Variants in PXDN observed in about 807,000 individuals in gnomAD.
PXDN encodes peroxidasin, also known as peroxidasin homolog.
In PXDN, 77 loss-of-function variants were observed where a neutral mutation model predicts 140.3. That is an observed-to-expected ratio of 0.55 (90% CI 0.46 to 0.66). PXDN has a LOEUF of 0.66. Among genes scored for constraint, PXDN ranks in the 30% least tolerant of loss-of-function variants. PXDN has a pLI of 0.00. For missense variants in PXDN, 1,838 were observed against 2,039.5 expected, an observed-to-expected ratio of 0.90 and a Z score of 1.90; for synonymous variants, 911 against 857.4, an observed-to-expected ratio of 1.06 and a Z score of -1.09.
intron 9 of PXDN, among the ~76,000 whole-genome samples, chr2:1,672,841 T>C (rs1278654945): frequency 6.6e-6 from 1 of 152,180 alleles, no homozygotes; most frequent in Non-Finnish European, 1.5e-5. Context: ...AACCCTGGCA[T>C]GATTTGTGGC....
At chr2:1,661,690 C>G (rs191846435) in intron 13 of PXDN, among the ~76,000 whole-genome samples, 42 of 152,292 alleles carry the variant, frequency 2.8e-4, no homozygotes, top group Admixed American at 2.3e-3. Flanking sequence ...TTAATAAAAA[C>G]AGCAAAGAAA....
At chr2:1,710,061 C>T (rs1356883546) in intron 1 of PXDN, among the ~76,000 whole-genome samples, 5 of 152,172 alleles carry the variant, frequency 3.3e-5, no homozygotes, top group South Asian at 2.1e-4. Context: ...CACGCAGCTG[C>T]GGAGAGGAGA....
intron 1 of PXDN, among the ~76,000 whole-genome samples, chr2:1,743,700 A>G (rs930971111): frequency 2.7e-3 from 39 of 14,660 alleles, no homozygotes; most frequent in East Asian, 3.8e-3. Context: ...AGGAGGAGGA[A>G]GGGGAGGAGG....
At chr2:1,710,904 T>G (rs1558520869) in intron 1 of PXDN, among the ~76,000 whole-genome samples, 2 of 104,274 alleles carry the variant, frequency 1.9e-5, no homozygotes, top group Non-Finnish European at 1.9e-5. Context: ...CAGCACCCAC[T>G]CTCCACCAGC....
At chr2:1,737,574 C>G (rs563195750) in intron 1 of PXDN, among the ~76,000 whole-genome samples, 183 of 150,892 alleles carry the variant, frequency 1.2e-3, no homozygotes, top group Non-Finnish European at 2.1e-3. Flanking sequence ...GAGTCTTGCT[C>G]TGTCCCCCAA....
rs150424199 is a variant in PXDN at position 1,680,785 on chromosome 2, C to T, written c.561-423G>A. Among the ~76,000 whole-genome samples, 728 of 152,312 alleles carry T rather than the reference C, an allele frequency of 4.8e-3. 17 individuals are homozygous for T. The highest frequency in any genetic ancestry group is 3.6e-3 in the Non-Finnish European group (245 of 68,022). ...CCACAAAACCACCACTGTCACTCAA[C>T]GCCCATCATCACGGGCAGGACAGTT... On this transcript the variant is annotated intron_variant, in intron 6 of 22. Transcript: ENST00000252804.
chr2:1,657,670 A>G (rs1192453386), intron 14 of PXDN, among the ~76,000 whole-genome samples: 4 of 150,372 alleles, frequency 2.7e-5, no homozygotes, highest in African/African-American at 9.8e-5. Context: ...CCCACTCCTG[A>G]CAGGGACCAG....
chr2:1,651,593 G>A lies in PXDN; in HGVS notation c.2105-1918C>T, dbSNP rs1429775615. Among the ~76,000 whole-genome samples the A allele has an allele frequency of 1.3e-5, 2 of 152,084 alleles. No homozygotes were observed. The highest frequency in any genetic ancestry group is 4.8e-5 in the African/African-American group (2 of 41,412). ...TCAGCCCTTCCTCACCCCCTTTCCA[G>A]CCACAGTGACCACCTGCTGTTCCAC... On this transcript the variant is annotated intron_variant, in intron 16 of 22. Transcript: ENST00000252804. The surrounding 1 kb of genome is among the most constrained non-coding windows in gnomAD (Gnocchi z 4.4).
At chr2:1,652,178 G>A (rs548339462) in intron 16 of PXDN, among the ~76,000 whole-genome samples, 128 of 152,268 alleles carry the variant, frequency 8.4e-4, no homozygotes, top group African/African-American at 2.9e-3. Flanking sequence ...TGCCTTTGAG[G>A]AGACATTTCC....
In PXDN at chr2:1,706,419, C is replaced by A. The variant is rs114413486; in HGVS notation, c.201-13285G>T. 8.0e-3 allele frequency among the ~76,000 whole-genome samples: 1,216 copies of A among 152,166 alleles called. 22 individuals carry two copies. Among genetic ancestry groups the A allele is most frequent in the African/African-American group, 0.028 (1,159 of 41,370 alleles). On this transcript the variant is annotated intron_variant, in intron 1 of 22. Transcript: ENST00000252804. ...CCTGCTGGCATTGCCAGAAGCCAGT[C>A]ACCTGCCCCACTAATAATACAACCT...
intron 1 of PXDN, among the ~76,000 whole-genome samples, chr2:1,729,706 T>C (rs566030098): frequency 6.6e-6 from 1 of 152,186 alleles, no homozygotes; most frequent in Non-Finnish European, 1.5e-5. Flanking sequence ...AAAAATCTAC[T>C]GAAATTTTTT....
At position 1,643,487 on chromosome 2, in the gene PXDN, G is replaced by T; in HGVS notation, c.3833C>A (p.Ala1278Glu). ...GCTCTGCACCCGGGTGATGTTGTCC[G>T]CGTTGTCGCATAGGATCCTGGCCAG... is the stretch of plus-strand genomic sequence containing the variant. ...TSLARILCDN[A>E]DNITRVQSDV... Residue 1278 changes from alanine (A) to glutamate (E), a missense_variant, in exon 19 of 23, where the codon GCG (alanine) becomes GAG (glutamate). By Grantham distance (107) the Ala-to-Glu change is moderately radical. Coordinates refer to ENST00000252804, the MANE Select transcript of PXDN (RefSeq NM_012293.3). 1 of 1,613,930 alleles carries T rather than the reference G, an allele frequency of 6.2e-7. No homozygotes were observed. The highest frequency in any genetic ancestry group is 8.5e-7 in the Non-Finnish European group (1 of 1,179,892).
In PXDN at chr2:1,651,453, C is replaced by G. The variant is rs1683011955; in HGVS notation, c.2105-1778G>C. 6.6e-6 allele frequency among the ~76,000 whole-genome samples: 1 copy of G among 152,176 alleles called. No homozygotes were observed. Among genetic ancestry groups the G allele is most frequent in the Non-Finnish European group, 1.5e-5 (1 of 68,038 alleles). On this transcript the variant is annotated intron_variant, in intron 16 of 22. Coordinates refer to ENST00000252804, the MANE Select transcript of PXDN (RefSeq NM_012293.3). This position sits in a 1 kb window ranked among gnomAD's most constrained non-coding sequence, Gnocchi z 4.4. The stretch of plus-strand genomic sequence containing the variant: ...GCCCGATGCTTGAAAATGCATCAAA[C>G]CATGTTGCTTCTCTGCAGGAAACCC...
At chr2:1,640,304 G>A (rs1682694872) in intron 19 of PXDN, among the ~76,000 whole-genome samples, 1 of 152,270 alleles carries the variant, frequency 6.6e-6, no homozygotes, top group Non-Finnish European at 1.5e-5. Flanking sequence ...GCACGAAAGT[G>A]AAGGGCAAAT....
At chr2:1,731,179 C>CAAAA (rs60396503) in intron 1 of PXDN, among the ~76,000 whole-genome samples, 1 of 148,996 alleles carries the variant, frequency 6.7e-6, no homozygotes, top group African/African-American at 2.5e-5. Context: ...CACACACACA[C>CAAAA]ATGAACTAGT....
In PXDN at chr2:1,658,083, T is replaced by TCTCTCTCTCTCTCTCTCCCC. The variant is rs1553359698; in HGVS notation, c.1837+2797_1837+2798insGGGGAGAGAGAGAGAGAGAG. 2.7e-4 allele frequency among the ~76,000 whole-genome samples: 21 copies of TCTCTCTCTCTCTCTCTCCCC among 77,752 alleles called. 4 individuals are homozygous for TCTCTCTCTCTCTCTCTCCCC. The highest frequency in any genetic ancestry group is 1.0e-3 in the African/African-American group (18 of 17,576). The allele number at this position is 77,752 out of a possible 152,430, so 51.0% of individuals were successfully genotyped here. A position where few individuals can be genotyped will look rare whatever the true frequency, so the allele number is the denominator to read the frequency against. The stretch of plus-strand genomic sequence containing the variant: ...CTCTCTCTCTCTCTCTCTCTCTCTC[T>TCTCTCTCTCTCTCTCTCCCC]CTCTCTCTCTGTTACAGTGTCTGCG... On this transcript the variant is annotated intron_variant, in intron 14 of 22. Coordinates refer to ENST00000252804, the MANE Select transcript of PXDN (RefSeq NM_012293.3).
At position 1,687,581 on chromosome 2, in the gene PXDN, A is replaced by G; in HGVS notation, c.416+51T>C. On this transcript the variant is annotated intron_variant, in intron 4 of 22. Coordinates refer to ENST00000252804, the MANE Select transcript of PXDN (RefSeq NM_012293.3). This position sits in a 1 kb window ranked among gnomAD's most constrained non-coding sequence, Gnocchi z 4.0. ...ACTCCACTGGTCCCTACAAGAGGAAAACAGCCAGACGGCATCCAAGAACTA... is the reference window on the plus strand; with the variant it reads ...ACTCCACTGGTCCCTACAAGAGGAAGACAGCCAGACGGCATCCAAGAACTA... 7.2e-7 allele frequency: 1 copy of G among 1,389,062 alleles called. No individual in the cohort carries two copies. Among genetic ancestry groups the G allele is most frequent in the Non-Finnish European group, 9.9e-7 (1 of 1,008,856 alleles). 86.0% of individuals were successfully genotyped at this position (1,389,062 alleles called of 1,614,324 possible). A position where few individuals can be genotyped will look rare whatever the true frequency, so the allele number is the denominator to read the frequency against.
rs6742816 is a variant in PXDN at position 1,735,420 on chromosome 2, T to C, written c.200+8836A>G. ...TTTATTAAATAATAAGACTTGAAAG[T>C]CAAAATTAGTCCCTAATTCATGGGC... is the stretch of plus-strand genomic sequence containing the variant. On this transcript the variant is annotated intron_variant, in intron 1 of 22. Coordinates refer to ENST00000252804, the MANE Select transcript of PXDN (RefSeq NM_012293.3). 2.8e-3 allele frequency among the ~76,000 whole-genome samples: 420 copies of C among 152,306 alleles called. 3 individuals carry two copies. The highest frequency in any genetic ancestry group is 9.5e-3 in the African/African-American group (396 of 41,560).
In PXDN at chr2:1,639,328, C is replaced by T; in HGVS notation, c.4047G>A (p.Lys1349=). The T allele has an allele frequency of 6.2e-7, 1 of 1,613,912 alleles. No individual in the cohort carries two copies. Among genetic ancestry groups the T allele is most frequent in the Admixed American group, 1.7e-5 (1 of 60,000 alleles). ...EFSYQEDKPT[K]KTRPRKIPSV... Reference sequence around the variant, plus strand: ...TGGGTATTTTCCGTGGTCTTGTTTTCTTGGTCGGCTTGTCCTCCTGGTAGC... The same window carrying T: ...TGGGTATTTTCCGTGGTCTTGTTTTTTTGGTCGGCTTGTCCTCCTGGTAGC... Residue 1349 remains lysine (K), a synonymous_variant, in exon 20 of 23, where the codon AAG becomes AAA. Coordinates refer to ENST00000252804, the MANE Select transcript of PXDN (RefSeq NM_012293.3). This position sits in a 1 kb window ranked among gnomAD's most constrained non-coding sequence, Gnocchi z 5.0.
Sources: allele counts gnomAD v4.1 joint callset (sites outside exome capture counted in the v4.1 genomes callset), GRCh38; gene constraint gnomAD v4.1.1; non-coding constraint Gnocchi (gnomAD v3.1); transcripts MANE v1.5; gene names NCBI Gene and HGNC (gene_info 2026-07-23, HGNC 2026-07-21).